The following NALF1 variants were observed in gnomAD, a reference collection of about 807,000 sequenced individuals.
NALF1 encodes the protein family with sequence similarity 155 member A.
In NALF1, 3 loss-of-function variants were observed where a neutral mutation model predicts 48.4. The ratio of observed to expected loss-of-function variants is 0.06; its 90% CI spans 0.03 to 0.16. NALF1 has a LOEUF of 0.16. Ranked by LOEUF, NALF1 falls within the 10% of genes least tolerant of loss-of-function variation. The pLI is 1.00. For missense variants in NALF1, 526 were observed against 571.5 expected, an observed-to-expected ratio of 0.92 and a Z score of 0.81; for synonymous variants, 262 against 245.7, an observed-to-expected ratio of 1.07 and a Z score of -0.62.
chr13:107,788,539 T>C (rs1416883533), intron 1 of NALF1: 1 of 152,304 alleles, frequency 6.6e-6, no homozygotes, highest in Non-Finnish European at 1.5e-5. Context: ...GGATTCACTC[T>C]AGCCCTTTCC....
chr13:107,349,238 C>G (rs535424250), intron 1 of NALF1, among the ~76,000 whole-genome samples: 46 of 152,264 alleles, frequency 3.0e-4, no homozygotes, highest in Non-Finnish European at 5.4e-4. Flanking sequence ...CCTTCCCCAC[C>G]TGGTGTCCTT....
At chr13:107,773,536 T>G (rs1244815791) in intron 1 of NALF1, among the ~76,000 whole-genome samples, 1 of 152,126 alleles carries the variant, frequency 6.6e-6, no homozygotes, top group African/African-American at 2.4e-5. Context: ...TCCTGTATTT[T>G]GAATAATTTT....
intron 1 of NALF1, among the ~76,000 whole-genome samples, chr13:107,371,833 G>A (rs1466734607): frequency 6.6e-6 from 1 of 152,180 alleles, no homozygotes; most frequent in Admixed American, 6.5e-5. Context: ...CAAGGGAAAA[G>A]TCATAACTGA....
intron 1 of NALF1, among the ~76,000 whole-genome samples, chr13:107,718,868 A>G (rs1361115682): frequency 6.6e-6 from 1 of 152,192 alleles, no homozygotes; most frequent in Non-Finnish European, 1.5e-5. Flanking sequence ...TCAAGCACCT[A>G]ATAGCCACAT....
rs368428220 is a variant in NALF1, at chr13:107,356,652, C to G, written c.916-145897G>C. Among the ~76,000 whole-genome samples, 68 of 152,264 alleles carry G rather than the reference C, an allele frequency of 4.5e-4. No individual in the cohort carries two copies. In the South Asian group the frequency reaches 0.014, roughly 31 times the overall value. The stretch of plus-strand genomic sequence containing the variant: ...TATTAAATACACAGATCATGCAGTT[C>G]CCTTCACCAGAGCAAAGTTTTAGAC... On this transcript the variant is annotated intron_variant, in intron 1 of 2. Transcript: ENST00000375915.
chr13:107,763,555 T>C (rs1240837549), intron 1 of NALF1, among the ~76,000 whole-genome samples: 1 of 151,810 alleles, frequency 6.6e-6, no homozygotes. Flanking sequence ...TTAAATGCCC[T>C]TCAAAAATTT....
intron 1 of NALF1, among the ~76,000 whole-genome samples, chr13:107,723,478 T>C (rs1876049431): frequency 1.3e-5 from 2 of 152,166 alleles, no homozygotes; most frequent in South Asian, 4.1e-4. Context: ...AATTATTTGC[T>C]GAATGAATGA....
At chr13:107,534,649 T>G (rs1876748201) in intron 1 of NALF1, among the ~76,000 whole-genome samples, 1 of 152,130 alleles carries the variant, frequency 6.6e-6, no homozygotes, top group Non-Finnish European at 1.5e-5. Flanking sequence ...CTGAGGAATT[T>G]GTTAAAACAT....
chr13:107,865,994 C>A lies in NALF1; in HGVS notation c.603G>T (p.Gly201=). 5 of 1,612,468 alleles carry A rather than the reference C, an allele frequency of 3.1e-6. No homozygotes were observed. Among genetic ancestry groups the A allele is most frequent in the South Asian group, 1.1e-5 (1 of 91,082 alleles). Residue 201 remains glycine (G), a synonymous_variant, in exon 1 of 3, where the codon GGG becomes GGT. Transcript: ENST00000375915. ...CARNWSRGAA[G]GDGQEVRSKH... is the part of the protein sequence containing the mutation. Reference sequence around the variant, plus strand: ...TGCTCCTCACCTCCTGCCCGTCCCCCCCGGCCGCCCCCCGACTCCAGTTCC... The same window carrying A: ...TGCTCCTCACCTCCTGCCCGTCCCCACCGGCCGCCCCCCGACTCCAGTTCC...
Position 107,325,351 on chromosome 13 carries a change from T to C in NALF1, c.916-114596A>G, listed in dbSNP as rs145840919. On this transcript the variant is annotated intron_variant, in intron 1 of 2. Coordinates refer to ENST00000375915, the MANE Select transcript of NALF1 (RefSeq NM_001080396.3). ...TTTATTTTTTCCAAATTCTTTCACA[T>C]CTATTTTAAAGTTAACACTCAAGAC... 5.0e-4 allele frequency among the ~76,000 whole-genome samples: 76 copies of C among 152,266 alleles called. 2 individuals are homozygous for C. Among genetic ancestry groups the C allele is most frequent in the East Asian group, 4.3e-3 (22 of 5,172 alleles).
intron 1 of NALF1, among the ~76,000 whole-genome samples, chr13:107,239,698 C>T (rs77681762): frequency 0.021 from 3,207 of 152,258 alleles, 46 homozygotes; most frequent in Middle Eastern, 0.078. Context: ...AGTGGTCTTA[C>T]TGGGTGAAAA....
chr13:107,767,251 T>A lies in NALF1; in HGVS notation c.915+98431A>T, dbSNP rs114434405. On this transcript the variant is annotated intron_variant, in intron 1 of 2. Coordinates refer to ENST00000375915, the MANE Select transcript of NALF1 (RefSeq NM_001080396.3). ...AGTTTTTCTAAAGTTAAAGTCACAT[T>A]GTGCTTTGTGACTGGATGCATAATT... Among the ~76,000 whole-genome samples the A allele has an allele frequency of 9.2e-3, 1,396 of 152,286 alleles. 27 individuals are homozygous for A. The highest frequency in any genetic ancestry group is 0.029 in the African/African-American group (1,209 of 41,558).
chr13:107,412,226 C>T (rs1884004863), intron 1 of NALF1, among the ~76,000 whole-genome samples: 1 of 152,120 alleles, frequency 6.6e-6, no homozygotes, highest in South Asian at 2.1e-4. Context: ...CTGACACTTA[C>T]TGAAAATTTA....
At chr13:107,316,357 T>A (rs1038954338) in intron 1 of NALF1, among the ~76,000 whole-genome samples, 1 of 118,584 alleles carries the variant, frequency 8.4e-6, no homozygotes, top group African/African-American at 2.8e-5. Context: ...GCAATAAACA[T>A]AAGTGTGCAT....
At chr13:107,783,675 T>TA in intron 1 of NALF1, among the ~76,000 whole-genome samples, 1 of 151,858 alleles carries the variant, frequency 6.6e-6, no homozygotes, top group East Asian at 2.0e-4. Flanking sequence ...GCATGCTCGT[T>TA]AAGAGTCATC....
intron 2 of NALF1, among the ~76,000 whole-genome samples, chr13:107,208,515 GA>G: frequency 6.6e-6 from 1 of 152,286 alleles, no homozygotes; most frequent in African/African-American, 2.4e-5. Flanking sequence ...ATACATGTAG[GA>G]AAAAGAAGAT....
intron 1 of NALF1, among the ~76,000 whole-genome samples, chr13:107,766,710 A>C (rs564606507): frequency 6.6e-6 from 1 of 152,314 alleles, no homozygotes; most frequent in African/African-American, 2.4e-5. Context: ...TCAATTGAAA[A>C]TAGAAGACAA....
chr13:107,539,260 T>A (rs1876930587), intron 1 of NALF1, among the ~76,000 whole-genome samples: 1 of 151,902 alleles, frequency 6.6e-6, no homozygotes, highest in Non-Finnish European at 1.5e-5. Context: ...GTGAGGGTCA[T>A]CCCATGACAG....
chr13:107,292,986 C>CTT (rs1454791003), intron 1 of NALF1, among the ~76,000 whole-genome samples: 2 of 70,480 alleles, frequency 2.8e-5, no homozygotes, highest in Non-Finnish European at 5.8e-5. Context: ...TATAGTTTTT[C>CTT]TTTTTCTTTT....
Sources: allele counts gnomAD v4.1 joint callset (sites outside exome capture counted in the v4.1 genomes callset), GRCh38; gene constraint gnomAD v4.1.1; transcripts MANE v1.5; gene names NCBI Gene and HGNC (gene_info 2026-07-23, HGNC 2026-07-21).